GABBR2: variants seen among roughly 807,000 people sequenced by gnomAD.
GABBR2 encodes the protein G-protein coupled receptor 51.
In GABBR2, 23 loss-of-function variants were observed where a neutral mutation model predicts 105.6. That is an observed-to-expected ratio of 0.22 (90% CI 0.16 to 0.31). GABBR2 has a LOEUF of 0.31. Among genes scored for constraint, GABBR2 ranks in the 10% least tolerant of loss-of-function variants. GABBR2 has a pLI of 1.00. For synonymous variants in GABBR2, 478 were observed against 499.7 expected (o/e 0.96, Z 0.58); for missense variants, 734 against 1,245.5 (o/e 0.59, Z 6.18).
intron 5 of GABBR2, among the ~76,000 whole-genome samples, chr9:98,480,492 G>T (rs1826893339): frequency 6.6e-6 from 1 of 152,104 alleles, no homozygotes; most frequent in Non-Finnish European, 1.5e-5. Flanking sequence ...ATGAGATAAG[G>T]CATAAAAAGG....
intron 9 of GABBR2, among the ~76,000 whole-genome samples, chr9:98,393,157 CCCATCCAT>C (rs148679963): frequency 5.9e-4 from 68 of 115,338 alleles, no homozygotes; most frequent in East Asian, 1.2e-3. Context: ...CATCCACCAA[CCCATCCAT>C]CCATCCATCC....
At chr9:98,702,279 C>T (rs145642859) in intron 1 of GABBR2, among the ~76,000 whole-genome samples, 10 of 151,670 alleles carry the variant, frequency 6.6e-5, no homozygotes, top group Non-Finnish European at 1.5e-4. Flanking sequence ...CAATGACACA[C>T]CCCCTCCCCA....
intron 4 of GABBR2, among the ~76,000 whole-genome samples, chr9:98,482,015 G>C (rs780511836): frequency 6.6e-6 from 1 of 152,114 alleles, no homozygotes; most frequent in Non-Finnish European, 1.5e-5. Flanking sequence ...GAAAGAGAAC[G>C]GGTGGGGCGG....
At chr9:98,401,606 T>A (rs966431133) in intron 8 of GABBR2, among the ~76,000 whole-genome samples, 1 of 152,116 alleles carries the variant, frequency 6.6e-6, no homozygotes, top group Admixed American at 6.5e-5. Context: ...ATGACTCCAC[T>A]CTTTAATTAT....
intron 13 of GABBR2, among the ~76,000 whole-genome samples, chr9:98,339,981 G>A (rs546934128): frequency 7.2e-5 from 11 of 152,200 alleles, no homozygotes; most frequent in East Asian, 1.9e-4. Context: ...TGCATTCTGG[G>A]CAATGAGATA....
chr9:98,505,423 G>GGGGT (rs1827488710), intron 3 of GABBR2, among the ~76,000 whole-genome samples: 1 of 148,392 alleles, frequency 6.7e-6, no homozygotes, highest in Admixed American at 6.7e-5. Flanking sequence ...GCTGTATCCA[G>GGGGT]GTGTGTGTGT....
At chr9:98,393,057 TCC>T (rs1564048315) in intron 9 of GABBR2, among the ~76,000 whole-genome samples, 1 of 140,266 alleles carries the variant, frequency 7.1e-6, no homozygotes, top group Non-Finnish European at 1.6e-5. Context: ...CATCCATCCA[TCC>T]ATCCATCCAT....
chr9:98,480,488 T>G (rs1487869715), intron 5 of GABBR2, among the ~76,000 whole-genome samples: 2 of 152,102 alleles, frequency 1.3e-5, no homozygotes, highest in Non-Finnish European at 2.9e-5. Flanking sequence ...TTAAATGAGA[T>G]AAGGCATAAA....
intron 1 of GABBR2, among the ~76,000 whole-genome samples, chr9:98,671,165 G>A (rs77433905): frequency 0.045 from 6,732 of 150,686 alleles, 355 homozygotes; most frequent in African/African-American, 0.13. Flanking sequence ...CCCACTTCCC[G>A]CTCTCTGCCA....
chr9:98,636,905 A>G (rs1829885646), intron 1 of GABBR2, among the ~76,000 whole-genome samples: 1 of 152,126 alleles, frequency 6.6e-6, no homozygotes, highest in African/African-American at 2.4e-5. Context: ...TTGCCCATAA[A>G]TGCAGAGTCC....
intron 1 of GABBR2, chr9:98,607,351 T>C (rs1829441326): frequency 2.7e-6 from 2 of 730,774 alleles, no homozygotes; most frequent in African/African-American, 1.7e-5. Context: ...ACTTAAACCA[T>C]TGAATATTGA....
chr9:98,443,408 T>C (rs1271752339), intron 7 of GABBR2, among the ~76,000 whole-genome samples: 1 of 152,214 alleles, frequency 6.6e-6, no homozygotes, highest in Non-Finnish European at 1.5e-5. Flanking sequence ...CACATTATTT[T>C]GATCTTTCAA....
chr9:98,517,313 C>A (rs979470669), intron 3 of GABBR2, among the ~76,000 whole-genome samples: 1 of 152,154 alleles, frequency 6.6e-6, no homozygotes, highest in African/African-American at 2.4e-5. Context: ...CCAGTCCCAC[C>A]TTTCCCACCC....
Position 98,698,340 on chromosome 9 carries a change from C to G in GABBR2, c.321+10077G>C, listed in dbSNP as rs192050008. Among the ~76,000 whole-genome samples, 454 of 152,252 alleles carry G rather than the reference C, an allele frequency of 3.0e-3. 4 individuals are homozygous for G. The highest frequency in any genetic ancestry group is 3.7e-3 in the Non-Finnish European group (250 of 68,018). On this transcript the variant is annotated intron_variant, in intron 1 of 18. Transcript: ENST00000259455. ...TAGATGACAATGACACTTCATCCTT[C>G]CAGCAATGCAGACTACTCTAAAAAA... is the stretch of plus-strand genomic sequence containing the variant.
chr9:98,660,350 G>A lies in GABBR2; in HGVS notation c.321+48067C>T, dbSNP rs139607893. ...AACACTTCCACCAGTATGAAAATAC[G>A]TATTTCCTTAATCTTCATCAATAAT... On this transcript the variant is annotated intron_variant, in intron 1 of 18. Transcript: ENST00000259455. Among the ~76,000 whole-genome samples the A allele has an allele frequency of 1.5e-3, 224 of 152,270 alleles. 7 individuals carry two copies. The East Asian group carries it at 0.031, about 21-fold the overall frequency.
chr9:98,429,564 C>T (rs758500167), intron 7 of GABBR2, among the ~76,000 whole-genome samples: 11 of 152,120 alleles, frequency 7.2e-5, no homozygotes, highest in Non-Finnish European at 1.3e-4. Flanking sequence ...TAGAAGTAGG[C>T]GATACACTAT....
intron 1 of GABBR2, among the ~76,000 whole-genome samples, chr9:98,601,179 A>T (rs1322885000): frequency 6.6e-6 from 1 of 152,252 alleles, no homozygotes; most frequent in Non-Finnish European, 1.5e-5. Flanking sequence ...TCAGAATACC[A>T]ATGTAGATTG....
intron 1 of GABBR2, among the ~76,000 whole-genome samples, chr9:98,593,265 C>T (rs1829172809): frequency 6.6e-6 from 1 of 152,158 alleles, no homozygotes; most frequent in Non-Finnish European, 1.5e-5. Flanking sequence ...AAGCTCTGCA[C>T]CCATTAAACC....
chr9:98,340,010 G>A (rs1831182218), intron 13 of GABBR2, among the ~76,000 whole-genome samples: 1 of 152,088 alleles, frequency 6.6e-6, no homozygotes, highest in Non-Finnish European at 1.5e-5. Flanking sequence ...AGTGACATGT[G>A]ACACTCTGGG....
Sources: allele counts gnomAD v4.1 joint callset (sites outside exome capture counted in the v4.1 genomes callset), GRCh38; gene constraint gnomAD v4.1.1; transcripts MANE v1.5; gene names NCBI Gene and HGNC (gene_info 2026-07-23, HGNC 2026-07-21).